Variants in UGT2B4 observed in about 807,000 individuals in gnomAD.
UGT2B4 encodes UDP glucuronosyltransferase family 2 member B4, also known as UDP-glucuronosyltransferase 2B4.
A neutral mutation model predicts 49.8 loss-of-function variants in UGT2B4; 49 were observed. The ratio of observed to expected loss-of-function variants is 0.98; its 90% CI spans 0.78 to 1.25. UGT2B4 has a LOEUF of 1.25. Among genes scored for constraint, UGT2B4 ranks in the 50% most tolerant of loss-of-function variants. The probability of loss-of-function intolerance (pLI) is 0.00; values close to 1 mark genes in which losing one functional copy is unlikely to be tolerated. For synonymous variants in UGT2B4, 246 were observed against 217.7 expected (o/e 1.13, Z -1.14); for missense variants, 729 against 627.7 (o/e 1.16, Z -1.73).
chr4:69,495,155 T>C lies in UGT2B4; in HGVS notation c.707A>G (p.Tyr236Cys). The C allele has an allele frequency of 6.4e-7, 1 of 1,561,394 alleles. No individual in the cohort carries two copies. Among genetic ancestry groups the C allele is most frequent in the Non-Finnish European group, 8.6e-7 (1 of 1,159,230 alleles). ...AAGTTACTTACCTAGAACTTCACTG[T>C]AGAACTGATCCCACTTCTTCATGTC... Reference protein sequence around the residue: ...IFDMKKWDQFYSEVLGRPTTL... With the variant: ...IFDMKKWDQFCSEVLGRPTTL... The change falls in exon 1 of 6, where the codon TAC (tyrosine) becomes TGC (cysteine). Residue 236 changes from tyrosine (Y) to cysteine (C), a missense_variant. Transcript: ENST00000305107.
chr4:69,505,730 A>G (rs1728450026), intron 1 of UGT2B4, among the ~76,000 whole-genome samples: 2 of 152,208 alleles, frequency 1.3e-5, no homozygotes, highest in African/African-American at 4.8e-5. Flanking sequence ...AGATATCTGC[A>G]GAACTCTCCA....
rs552840399 is a variant in UGT2B4 at position 69,506,501 on chromosome 4, A to T, written c.-105-10535T>A. Among the ~76,000 whole-genome samples, 9 of 152,260 alleles carry T rather than the reference A, an allele frequency of 5.9e-5. No individual in the cohort carries two copies. The South Asian group carries it at 1.9e-3, about 32-fold the overall frequency. ...GAATAAATGGTTCCTGGAATTATAT[A>T]CCCTCCAAAGACTAAACCCAGAAGA... is the stretch of plus-strand genomic sequence containing the variant. On this transcript the variant is annotated intron_variant, in intron 1 of 1. Coordinates refer to the UGT2B4 transcript ENST00000510114.
chr4:69,502,575 A>T (rs1390727458), intron 1 of UGT2B4, among the ~76,000 whole-genome samples: 1 of 152,106 alleles, frequency 6.6e-6, no homozygotes, highest in Non-Finnish European at 1.5e-5. Context: ...CCCTACAGAA[A>T]AGTGACCAGA....
chr4:69,487,194 C>T (rs923065723), intron 3 of UGT2B4, among the ~76,000 whole-genome samples: 2 of 152,122 alleles, frequency 1.3e-5, no homozygotes, highest in Non-Finnish European at 2.9e-5. Flanking sequence ...ATCCTAGAGG[C>T]AGAAATACCA....
upstream of UGT2B4, among the ~76,000 whole-genome samples, chr4:69,500,666 A>AAAGAAGGAAAGAAAGG: frequency 8.8e-6 from 1 of 113,796 alleles, no homozygotes; most frequent in South Asian, 2.8e-4. Flanking sequence ...AGAAAGAAAG[A>AAAGAAGGAAAGAAAGG]AAGGAAGGAA....
chr4:69,491,873 C>T (rs1315566898), intron 2 of UGT2B4, among the ~76,000 whole-genome samples: 1 of 151,976 alleles, frequency 6.6e-6, no homozygotes, highest in Non-Finnish European at 1.5e-5. Context: ...AATTTGCATT[C>T]AACATAGATA....
chr4:69,510,483 T>C (rs977103501), intron 1 of UGT2B4, among the ~76,000 whole-genome samples: 2 of 147,630 alleles, frequency 1.4e-5, no homozygotes, highest in Non-Finnish European at 3.0e-5. Context: ...ATTGTTTTTC[T>C]GTCAACATAC....
intron 1 of UGT2B4, among the ~76,000 whole-genome samples, chr4:69,520,686 GC>G (rs1728828108): frequency 6.6e-6 from 1 of 152,204 alleles, no homozygotes. Flanking sequence ...TGACACCTCA[GC>G]CCCCTCCAGA....
chr4:69,480,881 C>G lies in UGT2B4; in HGVS notation c.1340G>C (p.Arg447Thr). Reference sequence around the variant, plus strand: ...CTTCACTGGTTGATCATGATGAATTCTTGATAATTTCATAGCATTCTCTTT... The same window carrying G: ...CTTCACTGGTTGATCATGATGAATTGTTGATAATTTCATAGCATTCTCTTT... ...LYKENAMKLS[R>T]IHHDQPVKPL... Residue 447 changes from arginine to threonine, a missense_variant, in exon 6 of 6, where the codon AGA becomes ACA. Coordinates refer to ENST00000305107, the MANE Select transcript of UGT2B4 (RefSeq NM_021139.3). 1 of 1,613,712 alleles carries G rather than the reference C, an allele frequency of 6.2e-7. No individual in the cohort carries two copies. Among genetic ancestry groups the G allele is most frequent in the Non-Finnish European group, 8.5e-7 (1 of 1,179,806 alleles).
At chr4:69,515,019 T>C (rs1258790678) in intron 1 of UGT2B4, among the ~76,000 whole-genome samples, 1 of 152,214 alleles carries the variant, frequency 6.6e-6, no homozygotes, top group Admixed American at 6.5e-5. Flanking sequence ...CCCAGATTAA[T>C]AAAGTACGTG....
intron 1 of UGT2B4, among the ~76,000 whole-genome samples, chr4:69,511,279 C>T (rs973089959): frequency 2.6e-5 from 4 of 152,030 alleles, no homozygotes; most frequent in African/African-American, 9.7e-5. Context: ...CTTGAGCCAC[C>T]GTGCTCAGCT....
chr4:69,486,795 G>A (rs995713900), intron 3 of UGT2B4, 99 bp from the exon 4 acceptor site: 2 of 884,182 alleles, frequency 2.3e-6, no homozygotes, highest in East Asian at 2.7e-5. Flanking sequence ...AACAAGGGAT[G>A]TTAAGTAACA....
At chr4:69,505,725 T>C (rs946968326) in intron 1 of UGT2B4, among the ~76,000 whole-genome samples, 1 of 152,170 alleles carries the variant, frequency 6.6e-6, no homozygotes, top group African/African-American at 2.4e-5. Flanking sequence ...CTGATAGATA[T>C]CTGCAGAACT....
intron 3 of UGT2B4, 70 bp downstream of exon 3, chr4:69,489,369 A>G (rs1007531043): frequency 8.2e-6 from 13 of 1,584,122 alleles, no homozygotes; most frequent in Middle Eastern, 2.1e-4. Context: ...AGTTTCTACA[A>G]TTGGGTTCTT....
intron 1 of UGT2B4, among the ~76,000 whole-genome samples, chr4:69,516,835 T>G (rs1379189609): frequency 2.0e-5 from 3 of 151,988 alleles, no homozygotes; most frequent in African/African-American, 7.2e-5. Context: ...TTCGAACTCC[T>G]GACCTCAGGT....
At chr4:69,494,422 G>T (rs546240163) in intron 1 of UGT2B4, among the ~76,000 whole-genome samples, 1 of 151,970 alleles carries the variant, frequency 6.6e-6, no homozygotes, top group Non-Finnish European at 1.5e-5. Flanking sequence ...AGAAAATTTT[G>T]AGAACTTGTT....
intron 1 of UGT2B4, among the ~76,000 whole-genome samples, chr4:69,506,539 G>A (rs1728472181): frequency 6.6e-6 from 1 of 152,100 alleles, no homozygotes; most frequent in Admixed American, 6.6e-5. Context: ...TTGAATTGCT[G>A]AACAGACCAA....
chr4:69,509,170 A>ATTTTTTTT lies in UGT2B4; in HGVS notation c.-105-13212_-105-13205dup, dbSNP rs3075675. On this transcript the variant is annotated intron_variant, in intron 1 of 1. Transcript: ENST00000510114. ...GATTGTTAGATCATATGGAATTTCT[A>ATTTTTTTT]TTTTTTTTTTTTTTTTTTGAGACAG... 1.9e-3 allele frequency among the ~76,000 whole-genome samples: 224 copies of ATTTTTTTT among 119,736 alleles called. 9 individuals are homozygous for ATTTTTTTT. Among genetic ancestry groups the ATTTTTTTT allele is most frequent in the African/African-American group, 5.9e-3 (187 of 31,472 alleles). 78.6% of individuals were successfully genotyped at this position (119,736 alleles called of 152,430 possible).
Position 69,482,322 on chromosome 4 carries a change from C to G in UGT2B4, c.1311-1412G>C, listed in dbSNP as rs1727617179. ...TATAATCTTAAAATACATTGTACGT[C>G]TTCTAAAATACACATTTAAGCATAA... is the stretch of plus-strand genomic sequence containing the variant. On this transcript the variant is annotated intron_variant, in intron 5 of 5. Coordinates refer to ENST00000305107, the MANE Select transcript of UGT2B4 (RefSeq NM_021139.3). Among the ~76,000 whole-genome samples, 4 of 152,122 alleles carry G rather than the reference C, an allele frequency of 2.6e-5. No individual in the cohort carries two copies. The South Asian group carries it at 8.3e-4, about 31-fold the overall frequency.
Sources: allele counts gnomAD v4.1 joint callset (sites outside exome capture counted in the v4.1 genomes callset), GRCh38; gene constraint gnomAD v4.1.1; transcripts MANE v1.5; gene names NCBI Gene and HGNC (gene_info 2026-07-23, HGNC 2026-07-21).